L3HYPDH: variants seen among roughly 807,000 people sequenced by gnomAD.
L3HYPDH encodes trans-L-3-hydroxyproline dehydratase.
A neutral mutation model predicts 26.5 loss-of-function variants in L3HYPDH; 32 were observed. That is an observed-to-expected ratio of 1.21 (90% CI 0.91 to 1.62). The LOEUF (loss-of-function observed/expected upper bound fraction) is 1.62, where lower values mean the gene tolerates loss of function less well. L3HYPDH is among the 40% of genes most tolerant of loss of function. The pLI, the probability that L3HYPDH is intolerant of heterozygous loss-of-function variation, is 0.00. For synonymous variants in L3HYPDH, 215 were observed against 196.6 expected (o/e 1.09, Z -0.78); for missense variants, 554 against 476.4 (o/e 1.16, Z -1.52).
intron 1 of L3HYPDH, among the ~76,000 whole-genome samples, chr14:59,482,230 G>A (rs527562669): frequency 3.9e-4 from 60 of 152,294 alleles, no homozygotes; most frequent in African/African-American, 1.4e-3. Context: ...AGGTCACTGA[G>A]ATGGGGAGAG....
At chr14:59,483,643 T>A (rs776870583) in intron 1 of L3HYPDH, 166 bp downstream of exon 1, 177 of 1,437,956 alleles carry the variant, frequency 1.2e-4, no homozygotes, top group Non-Finnish European at 1.6e-4. Flanking sequence ...ACGCACCAAA[T>A]ACGCAAGGCT....
At chr14:59,498,428 G>GT in the L3HYPDH span, among the ~76,000 whole-genome samples, 1 of 151,992 alleles carries the variant, frequency 6.6e-6, no homozygotes, top group African/African-American at 2.4e-5. Context: ...GTTTTTTTAT[G>GT]TATCCCTGGT....
At chr14:59,484,587 C>T (rs894857662), upstream of L3HYPDH, 126 of 1,577,442 alleles carry the variant, frequency 8.0e-5, no homozygotes, top group Non-Finnish European at 1.0e-4. Flanking sequence ...CTTCAGGCGG[C>T]CCATGGGTGA....
At chr14:59,481,255 CATTAAAA>C (rs1889997610) in intron 1 of L3HYPDH, among the ~76,000 whole-genome samples, 1 of 152,218 alleles carries the variant, frequency 6.6e-6, no homozygotes, top group African/African-American at 2.4e-5. Flanking sequence ...AAATTACTAA[CATTAAAA>C]ATTAAGATAT....
chr14:59,498,499 T>G, the L3HYPDH span, among the ~76,000 whole-genome samples: 25 of 152,338 alleles, frequency 1.6e-4, no homozygotes, highest in Middle Eastern at 0.01. Context: ...TAAACAGTTT[T>G]AGGATTTTTG....
rs377327299 is a variant in L3HYPDH, at chr14:59,484,335, C to G, written c.-19G>C. On this transcript the variant is annotated 5_prime_UTR_variant, in exon 1 of 5. Coordinates refer to ENST00000247194, the MANE Select transcript of L3HYPDH (RefSeq NM_144581.2). ...TCTCCATGGTCTGCGTCGGGGGAGA[C>G]GAGTACGGTCCCGCAGCTATGGCTT... 9.9e-4 allele frequency: 1,549 copies of G among 1,567,586 alleles called. No homozygotes were observed. Among genetic ancestry groups the G allele is most frequent in the Non-Finnish European group, 1.3e-3 (1,476 of 1,163,328 alleles).
upstream of L3HYPDH, chr14:59,485,266 T>G (rs1890448541): frequency 2.9e-6 from 2 of 678,254 alleles, no homozygotes; most frequent in South Asian, 2.4e-5. Context: ...ATTCCTTACC[T>G]TCTGCATTCT....
At chr14:59,486,999 G>A (rs182672170), upstream of L3HYPDH, among the ~76,000 whole-genome samples, 223 of 152,180 alleles carry the variant, frequency 1.5e-3, no homozygotes, top group Non-Finnish European at 1.9e-3. Flanking sequence ...TCAGGAGTTC[G>A]AGACCAGCCT....
Position 59,472,923 on chromosome 14 carries a change from A to G in L3HYPDH, c.*42T>C. 6.5e-7 allele frequency: 1 copy of G among 1,533,014 alleles called. No homozygotes were observed. The highest frequency in any genetic ancestry group is 8.8e-7 in the Non-Finnish European group (1 of 1,141,604). 95.0% of individuals were successfully genotyped at this position (1,533,014 alleles called of 1,614,324 possible). On this transcript the variant is annotated 3_prime_UTR_variant, in exon 5 of 5. Transcript: ENST00000247194. ...TTAGAGAAAACAGTCCTTAAGGATAATGATTACTTTAAAAAGAAAGCCCTT... is the reference window on the plus strand; with the variant it reads ...TTAGAGAAAACAGTCCTTAAGGATAGTGATTACTTTAAAAAGAAAGCCCTT...
Position 59,478,916 on chromosome 14 carries a change from A to G in L3HYPDH, c.678+266T>C, listed in dbSNP as rs374521860. On this transcript the variant is annotated intron_variant, in intron 2 of 4. Transcript: ENST00000247194. ...ACACTAACGAGAGCTGATGAGCTAA[A>G]AAAAAATTGCAAAAAAACTCATAAT... 1.5e-5 allele frequency: 5 copies of G among 325,804 alleles called. No homozygotes were observed. In the East Asian group the frequency reaches 2.8e-4, roughly 18 times the overall value. 20.2% of individuals were successfully genotyped at this position (325,804 alleles called of 1,614,324 possible).
Position 59,484,176 on chromosome 14 carries a change from C to A in L3HYPDH, c.141G>T (p.Leu47=). The A allele has an allele frequency of 6.3e-7, 1 of 1,599,764 alleles. No individual in the cohort carries two copies. The highest frequency in any genetic ancestry group is 8.5e-7 in the Non-Finnish European group (1 of 1,179,562). The change falls in exon 1 of 5, where the codon CTG becomes CTT. Residue 47 remains leucine (L), a synonymous_variant. Transcript: ENST00000247194. ...GGCGCATGTAGCGCCGCTTGGCCAGCAGGGTGGGCCCAGACACCTCCGGAC... is the reference window on the plus strand; with the variant it reads ...GGCGCATGTAGCGCCGCTTGGCCAGAAGGGTGGGCCCAGACACCTCCGGAC... ...AGCPEVSGPT[L]LAKRRYMRQH...
At chr14:59,470,664 C>T (rs1420839289), downstream of L3HYPDH, among the ~76,000 whole-genome samples, 1 of 151,990 alleles carries the variant, frequency 6.6e-6, no homozygotes, top group Non-Finnish European at 1.5e-5. Flanking sequence ...GAGCAAGCAG[C>T]GGGGGCCACC....
rs1307564485 is a variant in L3HYPDH, at chr14:59,484,193, C to T, written c.124G>A (p.Val42Met). ...TTGGCCAGCAGGGTGGGCCCAGACA[C>T]CTCCGGACACCCCGCCAGCACGATA... ...LRIVLAGCPE[V>M]SGPTLLAKRR... The change falls in exon 1 of 5, where the codon GTG becomes ATG. Residue 42 changes from valine to methionine, a missense_variant. Physicochemically the swap from Val to Met is conservative, Grantham distance 21 (BLOSUM62 1). Coordinates refer to ENST00000247194, the MANE Select transcript of L3HYPDH (RefSeq NM_144581.2). 1.3e-6 allele frequency: 2 copies of T among 1,598,972 alleles called. No homozygotes were observed. Among genetic ancestry groups the T allele is most frequent in the South Asian group, 1.1e-5 (1 of 91,042 alleles).
At chr14:59,476,299 T>C in intron 2 of L3HYPDH, 85 bp from the exon 3 acceptor site, 2 of 1,000,250 alleles carry the variant, frequency 2.0e-6, no homozygotes, top group Admixed American at 2.7e-5. Flanking sequence ...TTCTTAGACA[T>C]AACTTTTTAA....
chr14:59,484,800 G>T (rs1890397637), upstream of L3HYPDH: 1 of 912,206 alleles, frequency 1.1e-6, no homozygotes, highest in East Asian at 2.6e-5. Context: ...GAGGCGCGCT[G>T]TCTGCGGCGA....
At chr14:59,500,217 A>C in the L3HYPDH span, among the ~76,000 whole-genome samples, 10 of 152,324 alleles carry the variant, frequency 6.6e-5, no homozygotes, top group Admixed American at 2.0e-4. Flanking sequence ...ATAAATGTCA[A>C]ATAAGTCATT....
At chr14:59,471,061 G>A (rs1361878449), downstream of L3HYPDH, among the ~76,000 whole-genome samples, 1 of 151,722 alleles carries the variant, frequency 6.6e-6, no homozygotes, top group African/African-American at 2.4e-5. Context: ...GTATTGAGAA[G>A]GCAGAATCAA....
At chr14:59,503,709 G>C in the L3HYPDH span, 1 of 611,786 alleles carries the variant, frequency 1.6e-6, no homozygotes, top group Non-Finnish European at 2.8e-6. Context: ...TAGACTGAGT[G>C]ATTTCTTAAG....
intron 4 of L3HYPDH, chr14:59,474,913 A>G (rs1889522620): frequency 6.2e-6 from 1 of 161,434 alleles, no homozygotes; most frequent in African/African-American, 2.4e-5. Flanking sequence ...TCAGATCACT[A>G]TATGATGTAG....
Sources: gnomAD v4.1 joint callset for allele counts (sites outside exome capture counted in the v4.1 genomes callset) on GRCh38, gnomAD v4.1.1 for gene constraint, MANE v1.5 for transcripts, NCBI Gene and HGNC (gene_info 2026-07-23, HGNC 2026-07-21) for gene names.